EFCAB11: variants seen among roughly 807,000 people sequenced by gnomAD.
EFCAB11 encodes the protein EF-hand calcium-binding domain-containing protein 11.
EFCAB11 carries 14 observed loss-of-function variants against 23.0 expected under a neutral mutation model. The ratio of observed to expected loss-of-function variants is 0.61; its 90% confidence interval spans 0.40 to 0.95. The LOEUF (loss-of-function observed/expected upper bound fraction) is 0.95. Ranked by LOEUF, EFCAB11 falls within the 40% of genes least tolerant of loss-of-function variation. EFCAB11 has a pLI of 0.00. For synonymous variants in EFCAB11, 65 were observed against 66.6 expected (o/e 0.98, Z 0.11); for missense variants, 198 against 195.8 (o/e 1.01, Z -0.07).
chr14:89,954,323 GA>G, intron 1 of EFCAB11: 1 of 1,534,120 alleles, frequency 6.5e-7, no homozygotes, highest in Non-Finnish European at 8.7e-7. Context: ...GGCTGGCTTT[GA>G]AAGGCGGGAG....
chr14:89,805,816 C>A (rs893831170), intron 5 of EFCAB11, among the ~76,000 whole-genome samples: 2 of 152,150 alleles, frequency 1.3e-5, no homozygotes, highest in Non-Finnish European at 2.9e-5. Context: ...AGGATTCTGT[C>A]TGAAATCTTT....
intron 3 of EFCAB11, among the ~76,000 whole-genome samples, chr14:89,941,062 A>T (rs148515131): frequency 3.0e-3 from 450 of 152,284 alleles, no homozygotes; most frequent in African/African-American, 0.01. Context: ...TACAAAATTC[A>T]CTACTGCATT....
chr14:89,852,303 C>A (rs1887622323), intron 5 of EFCAB11, among the ~76,000 whole-genome samples: 1 of 152,232 alleles, frequency 6.6e-6, no homozygotes. Context: ...GAAAACCACA[C>A]ACAAAATGGA....
At chr14:89,806,629 G>A (rs1885979232) in intron 5 of EFCAB11, among the ~76,000 whole-genome samples, 1 of 152,044 alleles carries the variant, frequency 6.6e-6, no homozygotes, top group African/African-American at 2.4e-5. Context: ...AACTACCACA[G>A]GCCCACTCTG....
intron 5 of EFCAB11, among the ~76,000 whole-genome samples, chr14:89,801,266 C>G (rs1437720633): frequency 1.3e-5 from 2 of 152,132 alleles, no homozygotes; most frequent in Admixed American, 1.3e-4. Flanking sequence ...ATTACCTGTT[C>G]TAACCTCTCC....
intron 5 of EFCAB11, among the ~76,000 whole-genome samples, chr14:89,926,261 T>C (rs1402776930): frequency 6.6e-6 from 1 of 152,224 alleles, no homozygotes; most frequent in Non-Finnish European, 1.5e-5. Flanking sequence ...AAGTAATTTG[T>C]TCCTCACAAC....
At chr14:89,833,013 C>T (rs550784007) in intron 5 of EFCAB11, 1 of 152,292 alleles carries the variant, frequency 6.6e-6, no homozygotes, top group East Asian at 1.9e-4. Flanking sequence ...GAGCCATATC[C>T]ATTTTCTTAC....
At position 89,906,087 on chromosome 14, in the gene EFCAB11, T is replaced by C. The variant is rs371086029; in HGVS notation, c.410+25454A>G. On this transcript the variant is annotated intron_variant, in intron 5 of 5. Coordinates refer to ENST00000316738, the MANE Select transcript of EFCAB11 (RefSeq NM_145231.4). Reference sequence around the variant, plus strand: ...AAGCTCAGTTTTCTTATCTGTAAAATAGAAATAGTAATACTGTACATCTCA... The same window carrying C: ...AAGCTCAGTTTTCTTATCTGTAAAACAGAAATAGTAATACTGTACATCTCA... Among the ~76,000 whole-genome samples, 77 of 151,684 alleles carry C rather than the reference T, an allele frequency of 5.1e-4. No individual in the cohort carries two copies. In the South Asian group the frequency reaches 0.014, roughly 28 times the overall value.
At chr14:89,925,793 G>A (rs569111985) in intron 5 of EFCAB11, among the ~76,000 whole-genome samples, 3 of 151,570 alleles carry the variant, frequency 2.0e-5, no homozygotes, top group East Asian at 1.9e-4. Context: ...CTACAGGCAC[G>A]TGCCACCACA....
At chr14:89,886,472 C>T (rs542972562) in intron 5 of EFCAB11, among the ~76,000 whole-genome samples, 5 of 129,512 alleles carry the variant, frequency 3.9e-5, no homozygotes, top group Admixed American at 9.8e-5. Flanking sequence ...GAGCTGAGAT[C>T]GCGCCACTGC....
intron 1 of EFCAB11, chr14:89,954,305 G>A (rs1176967564): frequency 2.6e-6 from 4 of 1,520,384 alleles, no homozygotes; most frequent in African/African-American, 1.4e-5. Context: ...AGGAAGGTGA[G>A]GCAAAGGGGC....
At chr14:89,888,246 GC>G (rs1175052573) in intron 5 of EFCAB11, among the ~76,000 whole-genome samples, 1 of 152,220 alleles carries the variant, frequency 6.6e-6, no homozygotes, top group African/African-American at 2.4e-5. Flanking sequence ...TGGGATTGGT[GC>G]CCTTATAAGG....
At chr14:89,829,619 A>T (rs1222576675) in intron 5 of EFCAB11, among the ~76,000 whole-genome samples, 2 of 152,212 alleles carry the variant, frequency 1.3e-5, no homozygotes, top group Non-Finnish European at 2.9e-5. Flanking sequence ...ACTTCCATGC[A>T]AGGAATTAAT....
At chr14:89,841,627 G>T (rs1352640698) in intron 5 of EFCAB11, among the ~76,000 whole-genome samples, 2 of 151,252 alleles carry the variant, frequency 1.3e-5, no homozygotes, top group Non-Finnish European at 2.9e-5. Context: ...TGCTGACCCC[G>T]CCCCCTCCTT....
intron 5 of EFCAB11, among the ~76,000 whole-genome samples, chr14:89,888,226 C>T (rs1566798043): frequency 6.6e-6 from 1 of 152,178 alleles, no homozygotes; most frequent in Non-Finnish European, 1.5e-5. Flanking sequence ...AAAGGCTGAA[C>T]CCCCATGAAT....
At chr14:89,932,415 G>A in intron 4 of EFCAB11, 111 bp downstream of exon 4, 1 of 811,936 alleles carries the variant, frequency 1.2e-6, no homozygotes, top group Non-Finnish European at 1.9e-6. Flanking sequence ...AATGAATACA[G>A]TAATATAATC....
At chr14:89,858,966 T>C (rs985613998) in intron 5 of EFCAB11, among the ~76,000 whole-genome samples, 1 of 152,212 alleles carries the variant, frequency 6.6e-6, no homozygotes, top group Middle Eastern at 3.2e-3. Context: ...AAAGAAACTG[T>C]AGTTTAAAAT....
chr14:89,856,575 C>T (rs1887760259), intron 5 of EFCAB11, among the ~76,000 whole-genome samples: 1 of 152,216 alleles, frequency 6.6e-6, no homozygotes, highest in South Asian at 2.1e-4. Flanking sequence ...GTTCCCTCCT[C>T]TACACCTTTG....
rs531287106 is a variant in EFCAB11, at chr14:89,892,344, T to C, written c.410+39197A>G. On this transcript the variant is annotated intron_variant, in intron 5 of 5. Transcript: ENST00000316738. The stretch of plus-strand genomic sequence containing the variant: ...CAGCAGGCCCTGCAGCAGGGGGACA[T>C]CAAGCTAGAAGAGGGCTTGGGGGGT... 3.8e-4 allele frequency: 619 copies of C among 1,613,700 alleles called. 4 individuals are homozygous for C. The African/African-American group carries it at 7.3e-3, about 19-fold the overall frequency.
Sources: allele counts gnomAD v4.1 joint callset (sites outside exome capture counted in the v4.1 genomes callset), GRCh38; gene constraint gnomAD v4.1.1; transcripts MANE v1.5; gene names NCBI Gene and HGNC (gene_info 2026-07-23, HGNC 2026-07-21).